Variants in TTC6 observed in about 807,000 individuals in gnomAD.
TTC6 encodes the protein tetratricopeptide repeat protein 6.
TTC6 carries 172 observed loss-of-function variants against 210.4 expected under a neutral mutation model. The ratio of observed to expected loss-of-function variants is 0.82; its 90% CI spans 0.72 to 0.93. The LOEUF is 0.93. Ranked by LOEUF, TTC6 falls within the 40% of genes least tolerant of loss-of-function variation. The pLI is 0.00. For synonymous variants in TTC6, 804 were observed against 819.6 expected (o/e 0.98, Z 0.32); for missense variants, 2,414 against 2,318.1 (o/e 1.04, Z -0.85).
chr14:37,709,651 A>G (rs2095841283), intron 5 of TTC6, among the ~76,000 whole-genome samples: 1 of 150,634 alleles, frequency 6.6e-6, no homozygotes, highest in Non-Finnish European at 1.5e-5. Context: ...TGAAGTTACG[A>G]TGATTACAAA....
chr14:37,616,594 G>C (rs573304057), intron 2 of TTC6, among the ~76,000 whole-genome samples: 1 of 152,248 alleles, frequency 6.6e-6, no homozygotes, highest in African/African-American at 2.4e-5. Flanking sequence ...CTACTCAGGA[G>C]GCTGAGGCAG....
At chr14:37,622,742 C>T (rs1398531158) in exon 1 of TTC6, 3 of 1,534,940 alleles carry the variant, frequency 2.0e-6, no homozygotes, top group Non-Finnish European at 2.6e-6. Context: ...AAGTGAGGAT[C>T]CGCAGCAACT....
At chr14:37,777,631 C>T (rs1317647267) in intron 14 of TTC6, among the ~76,000 whole-genome samples, 1 of 152,106 alleles carries the variant, frequency 6.6e-6, no homozygotes, top group African/African-American at 2.4e-5. Flanking sequence ...GGTTAAGAGC[C>T]ATTGCTGCGG....
chr14:37,602,914 T>C (rs775430303), intron 1 of TTC6, among the ~76,000 whole-genome samples: 1 of 152,124 alleles, frequency 6.6e-6, no homozygotes, highest in Non-Finnish European at 1.5e-5. Flanking sequence ...CCCGCCAAAA[T>C]ACCTTCCATT....
At chr14:37,689,878 G>T (rs892925095) in intron 3 of TTC6, among the ~76,000 whole-genome samples, 1 of 150,802 alleles carries the variant, frequency 6.6e-6, no homozygotes, top group Non-Finnish European at 1.5e-5. Flanking sequence ...TAATATGAAG[G>T]TACAAATCTC....
intron 4 of TTC6, among the ~76,000 whole-genome samples, chr14:37,697,272 C>T (rs1317153705): frequency 6.6e-6 from 1 of 152,068 alleles, no homozygotes; most frequent in Non-Finnish European, 1.5e-5. Flanking sequence ...TTATTTTTCT[C>T]TACCATTAAT....
chr14:37,760,643 C>T (rs2095981445), intron 14 of TTC6, among the ~76,000 whole-genome samples: 1 of 152,162 alleles, frequency 6.6e-6, no homozygotes, highest in Admixed American at 6.5e-5. Context: ...GGTGCTCTGT[C>T]CCAGGGAGAT....
In TTC6 at chr14:37,827,228, T is replaced by TG. The variant is rs777284949; in HGVS notation, c.5164dup (p.Val1722GlyfsTer4). The TG allele has an allele frequency of 6.2e-7, 1 of 1,612,732 alleles. No individual in the cohort carries two copies. The highest frequency in any genetic ancestry group is 1.7e-5 in the Admixed American group (1 of 59,910). Reference sequence around the variant, plus strand: ...CTACAGCAGAATTCTTAACAAATCGTGGGGTGATTCATGAGTTTATGGGCC... The same window carrying TG: ...CTACAGCAGAATTCTTAACAAATCGTGGGGGTGATTCATGAGTTTATGGGCC... On this transcript the variant is annotated frameshift_variant, in exon 29 of 31. Coordinates refer to ENST00000553443, the Ensembl canonical transcript of TTC6. LOFTEE classifies it high-confidence loss of function.
intron 2 of TTC6, among the ~76,000 whole-genome samples, chr14:37,609,212 A>C (rs1348986234): frequency 1.3e-5 from 2 of 152,068 alleles, no homozygotes; most frequent in African/African-American, 2.4e-5. Flanking sequence ...TGAGCCCAAA[A>C]GCTCAAGCCT....
upstream of TTC6, among the ~76,000 whole-genome samples, chr14:37,621,082 C>T (rs1158215764): frequency 6.6e-6 from 1 of 152,190 alleles, no homozygotes; most frequent in African/African-American, 2.4e-5. Flanking sequence ...TTCCCCCATT[C>T]CCTTCCTACA....
In TTC6 at chr14:37,807,306, CT is replaced by C; in HGVS notation, c.4315-13del. ...AAGCATCCATTCCTGCTTTCTCTCT[CT>C]CTCTCTGAATAGGCATATTTAAGCC... On this transcript the variant is annotated splice_polypyrimidine_tract_variant and intron_variant, in intron 22 of 30. Coordinates refer to ENST00000553443, the Ensembl canonical transcript of TTC6. 6.7e-7 allele frequency: 1 copy of C among 1,499,828 alleles called. No homozygotes were observed. The highest frequency in any genetic ancestry group is 1.3e-5 in the South Asian group (1 of 79,090). 92.9% of individuals were successfully genotyped at this position (1,499,828 alleles called of 1,614,324 possible).
At chr14:37,751,686 G>T (rs563428886) in intron 13 of TTC6, among the ~76,000 whole-genome samples, 11 of 152,172 alleles carry the variant, frequency 7.2e-5, no homozygotes, top group Admixed American at 2.6e-4. Context: ...TCATTCGCTT[G>T]CTTGAAACTA....
At chr14:37,655,102 C>T (rs766728485) in intron 1 of TTC6, among the ~76,000 whole-genome samples, 1 of 152,172 alleles carries the variant, frequency 6.6e-6, no homozygotes, top group African/African-American at 2.4e-5. Context: ...CTCTCATTAC[C>T]CCAGCTGTCA....
chr14:37,710,743 T>G (rs1389461260), intron 5 of TTC6, among the ~76,000 whole-genome samples: 1 of 152,110 alleles, frequency 6.6e-6, no homozygotes, highest in Non-Finnish European at 1.5e-5. Context: ...GCTCACTCTT[T>G]CCACTATATC....
intron 6 of TTC6, among the ~76,000 whole-genome samples, chr14:37,721,927 T>A (rs962241596): frequency 6.9e-6 from 1 of 145,866 alleles, no homozygotes; most frequent in Non-Finnish European, 1.5e-5. Flanking sequence ...TATATATATA[T>A]ACATATATAT....
At chr14:37,698,278 A>G (rs1345432269) in intron 4 of TTC6, among the ~76,000 whole-genome samples, 1 of 152,160 alleles carries the variant, frequency 6.6e-6, no homozygotes, top group Non-Finnish European at 1.5e-5. Context: ...TCAAACATCT[A>G]TTGCAGCATA....
At chr14:37,761,262 G>T (rs2095983634) in intron 14 of TTC6, among the ~76,000 whole-genome samples, 1 of 151,790 alleles carries the variant, frequency 6.6e-6, no homozygotes, top group East Asian at 2.0e-4. Context: ...GAGGTCCCTG[G>T]CTCCTTGCAC....
chr14:37,796,243 T>C (rs2096092468), intron 18 of TTC6, 51 bp from the exon 21 acceptor site: 4 of 812,866 alleles, frequency 4.9e-6, no homozygotes, highest in Admixed American at 2.8e-5. Flanking sequence ...AACTTTATTT[T>C]AGAAAGTTAA....
rs758455880 is a variant in TTC6 at position 37,812,349 on chromosome 14, T to C, written c.4605T>C (p.Asp1535=). 3 of 1,613,348 alleles carry C rather than the reference T, an allele frequency of 1.9e-6. No homozygotes were observed. The African/African-American group carries it at 4.0e-5, about 22-fold the overall frequency. ...ATTATGGAATTGTGCTGCTTCTTGA[T>C]GCTACAGAAACTGTAAAACTAAATA... Residue 1535 remains aspartate, a synonymous_variant, in exon 25 of 31, where the codon GAT becomes GAC. Coordinates refer to ENST00000553443, the Ensembl canonical transcript of TTC6.
Sources: gnomAD v4.1 joint callset for allele counts (sites outside exome capture counted in the v4.1 genomes callset) on GRCh38, gnomAD v4.1.1 for gene constraint, MANE v1.5 for transcripts, NCBI Gene and HGNC (gene_info 2026-07-23, HGNC 2026-07-21) for gene names.